The following TCF7L2 variants were observed in gnomAD, a reference collection of about 807,000 sequenced individuals.
The protein encoded by TCF7L2 is transcription factor 7 like 2.
Under a neutral mutation model 77.9 loss-of-function variants are expected in TCF7L2, and 23 were observed. That is an observed-to-expected ratio of 0.30 (90% CI 0.21 to 0.42). The LOEUF (loss-of-function observed/expected upper bound fraction) is 0.42. TCF7L2 is among the 10% of genes least tolerant of loss of function. The pLI is 1.00. For missense variants in TCF7L2, 654 were observed against 793.1 expected (o/e 0.82, Z 2.11); for synonymous variants, 413 against 340.2 (o/e 1.21, Z -2.36).
chr10:113,117,418 TCTCTCTCTCTCTCTCCCTC>T (rs2063937855), intron 5 of TCF7L2, among the ~76,000 whole-genome samples: 1 of 41,744 alleles, frequency 2.4e-5, no homozygotes, highest in African/African-American at 1.1e-4. Context: ...TCTCTCTCTC[TCTCTCTCTCTCTCTCCCTC>T]TCTCTCTCTC....
At chr10:113,104,561 G>T (rs1435517407) in intron 5 of TCF7L2, among the ~76,000 whole-genome samples, 2 of 152,044 alleles carry the variant, frequency 1.3e-5, no homozygotes, top group African/African-American at 4.8e-5. Flanking sequence ...TTTTTTGGTG[G>T]TACCATAGTG....
chr10:113,070,475 A>G (rs1197826202), intron 5 of TCF7L2, among the ~76,000 whole-genome samples: 1 of 151,974 alleles, frequency 6.6e-6, no homozygotes, highest in African/African-American at 2.4e-5. Context: ...GCTGCTTGCT[A>G]TGGCCCATCT....
chr10:113,144,899 G>C (rs111909957), intron 7 of TCF7L2, among the ~76,000 whole-genome samples: 1 of 152,134 alleles, frequency 6.6e-6, no homozygotes. Flanking sequence ...TATGTGTTTC[G>C]TGATTGTTTC....
chr10:113,162,018 C>G (rs967117499), intron 13 of TCF7L2, among the ~76,000 whole-genome samples: 19 of 152,230 alleles, frequency 1.2e-4, no homozygotes, highest in Non-Finnish European at 1.9e-4. Context: ...CTCTGCACAA[C>G]AGAAAGGAGT....
At chr10:113,060,849 G>A (rs1197799995) in intron 5 of TCF7L2, among the ~76,000 whole-genome samples, 2 of 152,054 alleles carry the variant, frequency 1.3e-5, no homozygotes, top group Non-Finnish European at 2.9e-5. Context: ...GTGGCTGAGT[G>A]CGAGGCAGCT....
At chr10:113,154,050 G>A (rs1372350849) in intron 11 of TCF7L2, among the ~76,000 whole-genome samples, 1 of 152,252 alleles carries the variant, frequency 6.6e-6, no homozygotes, top group African/African-American at 2.4e-5. Context: ...GATGGCGCGT[G>A]TGCTCTGCTG....
In TCF7L2 at chr10:113,062,540, C is replaced by T. The variant is rs568108236; in HGVS notation, c.552+22414C>T. Among the ~76,000 whole-genome samples, 452 of 152,066 alleles carry T rather than the reference C, an allele frequency of 3.0e-3. 5 individuals are homozygous for T. Among genetic ancestry groups the T allele is most frequent in the Middle Eastern group, 0.017 (5 of 294 alleles). On this transcript the variant is annotated intron_variant, in intron 5 of 13. Transcript: ENST00000627217. The stretch of plus-strand genomic sequence containing the variant: ...TTGTGTGGTTCTTCTATGGCTACTG[C>T]ACTTTTTTTTTTTTCTTACTGTCTC...
At chr10:113,084,393 A>C (rs1206589076) in intron 5 of TCF7L2, among the ~76,000 whole-genome samples, 1 of 152,224 alleles carries the variant, frequency 6.6e-6, no homozygotes, top group Non-Finnish European at 1.5e-5. Context: ...GCCCGAAGGC[A>C]GTTACTCAGG....
intron 4 of TCF7L2, among the ~76,000 whole-genome samples, chr10:112,990,813 C>T (rs552029739): frequency 6.6e-6 from 1 of 152,302 alleles, no homozygotes; most frequent in South Asian, 2.1e-4. Flanking sequence ...ATGGTAATAA[C>T]GTTTCCGTAC....
intron 5 of TCF7L2, among the ~76,000 whole-genome samples, chr10:113,109,841 A>C (rs1479724457): frequency 6.6e-6 from 1 of 152,252 alleles, no homozygotes; most frequent in East Asian, 1.9e-4. Context: ...TTTGAAACAT[A>C]ATGTGCATAT....
intron 5 of TCF7L2, among the ~76,000 whole-genome samples, chr10:113,101,322 C>T (rs1421289101): frequency 2.0e-5 from 3 of 152,026 alleles, no homozygotes; most frequent in South Asian, 4.1e-4. Flanking sequence ...CCTCAAGGAT[C>T]GCTTGAAGGC....
At chr10:113,100,233 G>A (rs913606260) in intron 5 of TCF7L2, among the ~76,000 whole-genome samples, 1 of 152,218 alleles carries the variant, frequency 6.6e-6, no homozygotes, top group African/African-American at 2.4e-5. Context: ...CCTAGCAGAA[G>A]AAGAACGAAG....
At chr10:113,009,841 G>C (rs1398533582) in intron 4 of TCF7L2, among the ~76,000 whole-genome samples, 1 of 152,212 alleles carries the variant, frequency 6.6e-6, no homozygotes, top group African/African-American at 2.4e-5. Context: ...GGAGAGGTAA[G>C]GGAGAGATGA....
chr10:113,126,077 T>C (rs1291873609), intron 5 of TCF7L2: 1 of 152,090 alleles, frequency 6.6e-6, no homozygotes, highest in East Asian at 1.9e-4. Flanking sequence ...ACCATTTGCT[T>C]TAAAGGAACA....
chr10:113,117,606 A>G (rs1424348606), intron 5 of TCF7L2, among the ~76,000 whole-genome samples: 1 of 152,228 alleles, frequency 6.6e-6, no homozygotes. Context: ...GAAAAAAAGA[A>G]TGATATAATT....
chr10:113,075,225 G>A (rs1369738032), intron 5 of TCF7L2, among the ~76,000 whole-genome samples: 1 of 152,168 alleles, frequency 6.6e-6, no homozygotes, highest in African/African-American at 2.4e-5. Flanking sequence ...TTGGGAGGCA[G>A]AGGCGGGCAG....
At chr10:113,098,776 C>T (rs560965233) in intron 5 of TCF7L2, among the ~76,000 whole-genome samples, 1 of 152,180 alleles carries the variant, frequency 6.6e-6, no homozygotes, top group Non-Finnish European at 1.5e-5. Flanking sequence ...CTTTTGGTCT[C>T]CTGTTCTACG....
chr10:112,951,044 G>A, intron 1 of TCF7L2, 99 bp downstream of exon 1: 26 of 1,443,118 alleles, frequency 1.8e-5, no homozygotes, highest in Non-Finnish European at 2.2e-5. Context: ...GGCGGCGGCG[G>A]GGCCCGGCGG....
chr10:113,042,552 T>A, intron 5 of TCF7L2, among the ~76,000 whole-genome samples: 1 of 152,196 alleles, frequency 6.6e-6, no homozygotes, highest in East Asian at 1.9e-4. Context: ...ACTTTGGTTC[T>A]ATGAGTCAGC....
Sources: gnomAD v4.1 joint callset for allele counts (sites outside exome capture counted in the v4.1 genomes callset) on GRCh38, gnomAD v4.1.1 for gene constraint, MANE v1.5 for transcripts, NCBI Gene and HGNC (gene_info 2026-07-23, HGNC 2026-07-21) for gene names.